The following PCDH15 variants were observed in gnomAD, a reference collection of about 807,000 sequenced individuals.
PCDH15 encodes protocadherin related 15.
A neutral mutation model predicts 178.5 loss-of-function variants in PCDH15; 129 were observed. That is an observed-to-expected ratio of 0.72 (90% CI 0.63 to 0.84). PCDH15 has a LOEUF of 0.84. PCDH15 is among the 40% of genes least tolerant of loss of function. The pLI is 0.00. For synonymous variants in PCDH15, 800 were observed against 732.0 expected (o/e 1.09, Z -1.50); for missense variants, 2,230 against 2,099.9 (o/e 1.06, Z -1.21).
intron 1 of PCDH15, among the ~76,000 whole-genome samples, chr10:55,236,758 G>C (rs1247702532): frequency 6.6e-6 from 1 of 151,824 alleles, no homozygotes; most frequent in Non-Finnish European, 1.5e-5. Context: ...TTAGCTATAA[G>C]TGTACATCAA....
At chr10:53,823,174 C>G in intron 32 of PCDH15, 1 of 1,614,008 alleles carries the variant, frequency 6.2e-7, no homozygotes, top group East Asian at 2.2e-5. Context: ...TCATCCTCAT[C>G]AGATAGAAAT....
At chr10:55,406,406 T>G (rs1201382039) in intron 2 of PCDH15, among the ~76,000 whole-genome samples, 1 of 152,112 alleles carries the variant, frequency 6.6e-6, no homozygotes, top group Non-Finnish European at 1.5e-5. Context: ...TTACTGGCTT[T>G]GCAGTGAAAA....
At chr10:54,189,431 C>G in intron 11 of PCDH15, 1 of 1,345,030 alleles carries the variant, frequency 7.4e-7, no homozygotes, top group Non-Finnish European at 1.0e-6. Context: ...TGTAAATGAT[C>G]ACAACCGCAC....
chr10:54,839,337 T>C (rs1017407048), intron 3 of PCDH15, among the ~76,000 whole-genome samples: 1 of 151,958 alleles, frequency 6.6e-6, no homozygotes, highest in East Asian at 1.9e-4. Context: ...GAGATTCAAA[T>C]AGAAATCTTG....
chr10:54,187,587 T>C (rs1184762698), intron 11 of PCDH15, among the ~76,000 whole-genome samples: 3 of 151,946 alleles, frequency 2.0e-5, no homozygotes, highest in African/African-American at 7.2e-5. Flanking sequence ...TTAATTTAAC[T>C]GTCTCAGTTT....
At chr10:54,577,237 C>A (rs2090569488) in intron 2 of PCDH15, among the ~76,000 whole-genome samples, 1 of 141,656 alleles carries the variant, frequency 7.1e-6, no homozygotes. Context: ...CGTGCACCAC[C>A]ACGCCCAGCT....
At chr10:55,430,411 T>C (rs1333249752) in intron 2 of PCDH15, among the ~76,000 whole-genome samples, 2 of 152,332 alleles carry the variant, frequency 1.3e-5, no homozygotes, top group South Asian at 4.1e-4. Flanking sequence ...AAGCAAAGGT[T>C]TAATCATTTA....
At chr10:54,586,472 T>C (rs1434241315) in intron 2 of PCDH15, among the ~76,000 whole-genome samples, 1 of 152,194 alleles carries the variant, frequency 6.6e-6, no homozygotes, top group African/African-American at 2.4e-5. Flanking sequence ...TTGGTCGATA[T>C]GTGTCACCTT....
intron 2 of PCDH15, among the ~76,000 whole-genome samples, chr10:55,392,131 A>G (rs1837808160): frequency 6.6e-6 from 1 of 152,206 alleles, no homozygotes; most frequent in Non-Finnish European, 1.5e-5. Flanking sequence ...GCCCCAACAC[A>G]AATGAAATAG....
At chr10:55,349,168 G>A (rs950426383) in intron 2 of PCDH15, among the ~76,000 whole-genome samples, 18 of 152,110 alleles carry the variant, frequency 1.2e-4, no homozygotes, top group Non-Finnish European at 2.5e-4. Flanking sequence ...CAGGAAGACA[G>A]TGTCCAGAGA....
chr10:54,334,800 T>G (rs1329347877), intron 6 of PCDH15, among the ~76,000 whole-genome samples: 1 of 152,138 alleles, frequency 6.6e-6, no homozygotes, highest in Non-Finnish European at 1.5e-5. Flanking sequence ...GTGGCGGAAA[T>G]GTAGATAATT....
intron 18 of PCDH15, among the ~76,000 whole-genome samples, chr10:54,065,400 C>G (rs1205176591): frequency 6.6e-6 from 1 of 152,132 alleles, no homozygotes; most frequent in East Asian, 1.9e-4. Context: ...TTCCTTATCA[C>G]TGTTATCTAC....
At chr10:54,436,125 AAG>A in intron 3 of PCDH15, among the ~76,000 whole-genome samples, 1 of 149,738 alleles carries the variant, frequency 6.7e-6, no homozygotes, top group East Asian at 2.0e-4. Flanking sequence ...GAAGGAAAGA[AAG>A]AAAGAAAAAG....
intron 12 of PCDH15, 150 bp downstream of exon 12, chr10:54,184,984 A>G (rs1050687725): frequency 5.6e-6 from 5 of 900,756 alleles, no homozygotes; most frequent in Admixed American, 2.6e-5. Context: ...ATAATTTTTC[A>G]TTGATCTTCT....
chr10:55,409,626 T>C (rs1838285281), intron 2 of PCDH15, among the ~76,000 whole-genome samples: 2 of 152,052 alleles, frequency 1.3e-5, no homozygotes, highest in South Asian at 4.1e-4. Context: ...AAAATAGATA[T>C]GCATTCAGCA....
At position 53,990,133 on chromosome 10, in the gene PCDH15, T is replaced by C. The variant is rs148776796; in HGVS notation, c.2868+5516A>G. 9.8e-4 allele frequency among the ~76,000 whole-genome samples: 149 copies of C among 152,212 alleles called. No individual in the cohort carries two copies. In the Middle Eastern group the frequency reaches 0.014, roughly 14 times the overall value. ...TTTAATAAAACACAGATATACATTA[T>C]AGAAAAGAAGATCTAGCCATCTTTT... is the stretch of plus-strand genomic sequence containing the variant. On this transcript the variant is annotated intron_variant, in intron 21 of 37. Coordinates refer to ENST00000644397, the MANE Select transcript of PCDH15 (RefSeq NM_001384140.1).
chr10:54,080,462 G>C (rs1163554626), intron 16 of PCDH15, among the ~76,000 whole-genome samples: 2 of 152,062 alleles, frequency 1.3e-5, no homozygotes, highest in Admixed American at 1.3e-4. Flanking sequence ...GTGTAGAAGA[G>C]TTTATCTGAA....
chr10:54,674,719 C>T (rs755801610), intron 1 of PCDH15, among the ~76,000 whole-genome samples: 3 of 151,992 alleles, frequency 2.0e-5, no homozygotes, highest in Non-Finnish European at 4.4e-5. Flanking sequence ...TTCTTAGAGA[C>T]TGGATTTTAA....
rs111938848 is a variant in PCDH15, at chr10:54,020,709, G to A, written c.2527-293C>T. Reference sequence around the variant, plus strand: ...TCTATAAGATTTTGTCATTGTTGACGTTATTACTGTATCTGTTTAACTTGA... The same window carrying A: ...TCTATAAGATTTTGTCATTGTTGACATTATTACTGTATCTGTTTAACTTGA... On this transcript the variant is annotated intron_variant, in intron 19 of 37. Transcript: ENST00000644397. Among the ~76,000 whole-genome samples the A allele has an allele frequency of 0.012, 1,825 of 151,798 alleles. 42 individuals carry two copies. The highest frequency in any genetic ancestry group is 0.041 in the African/African-American group (1,697 of 41,414).
Sources: allele counts gnomAD v4.1 joint callset (sites outside exome capture counted in the v4.1 genomes callset), GRCh38; gene constraint gnomAD v4.1.1; transcripts MANE v1.5; gene names NCBI Gene and HGNC (gene_info 2026-07-23, HGNC 2026-07-21).